The following CCDC141 variants were observed in gnomAD, a reference collection of about 807,000 sequenced individuals.
CCDC141 encodes coiled-coil domain-containing protein 141.
In CCDC141, 168 loss-of-function variants were observed where a neutral mutation model predicts 181.0. That is an observed-to-expected ratio of 0.93 (90% CI 0.82 to 1.05). The LOEUF is 1.05. Ranked by LOEUF, CCDC141 falls within the 50% of genes least tolerant of loss-of-function variation. CCDC141 has a pLI of 0.00. For missense variants in CCDC141, 1,902 were observed against 1,788.5 expected, an observed-to-expected ratio of 1.06 and a Z score of -1.14; for synonymous variants, 666 against 642.3, an observed-to-expected ratio of 1.04 and a Z score of -0.56.
At chr2:178,996,568 G>A (rs1041015518) in intron 2 of CCDC141, among the ~76,000 whole-genome samples, 1 of 152,102 alleles carries the variant, frequency 6.6e-6, no homozygotes, top group Admixed American at 6.5e-5. Flanking sequence ...GAACCTGTTA[G>A]GCTTGTTAAA....
chr2:178,982,602 G>A (rs569862517), intron 2 of CCDC141, among the ~76,000 whole-genome samples: 4 of 152,194 alleles, frequency 2.6e-5, no homozygotes, highest in Admixed American at 6.5e-5. Flanking sequence ...AGGTCAGTGG[G>A]TGCACGCACC....
Position 178,868,104 on chromosome 2 carries a change from T to C in CCDC141, c.2496A>G (p.Glu832=), listed in dbSNP as rs1369334354. 1.9e-6 allele frequency: 3 copies of C among 1,614,084 alleles called. No individual in the cohort carries two copies. Among genetic ancestry groups the C allele is most frequent in the Non-Finnish European group, 1.7e-6 (2 of 1,179,948 alleles). ...GGAGATGGTCTACACGGGCTTGCTT[T>C]TCCTGAGAGCACCGGAGGTGAATCT... The part of the protein sequence containing the change: ...DVQIHLRCSQ[E]KQARVDHLHR... Residue 832 remains glutamate, a synonymous_variant, in exon 16 of 24, where the codon GAA becomes GAG. Coordinates refer to ENST00000443758, the MANE Select transcript of CCDC141 (RefSeq NM_173648.4).
intron 2 of CCDC141, among the ~76,000 whole-genome samples, chr2:178,983,802 A>G (rs1349915159): frequency 1.3e-5 from 2 of 151,588 alleles, no homozygotes; most frequent in African/African-American, 4.8e-5. Flanking sequence ...CCTCCAAGAA[A>G]TATGGGACTA....
At chr2:178,828,059 T>C (rs555967886), downstream of CCDC141, among the ~76,000 whole-genome samples, 4 of 152,160 alleles carry the variant, frequency 2.6e-5, no homozygotes, top group Admixed American at 2.0e-4. Context: ...GTGTCTCCTC[T>C]GTGTCTCTGT....
chr2:178,896,501 A>G (rs1029793682), intron 8 of CCDC141, among the ~76,000 whole-genome samples: 8 of 152,202 alleles, frequency 5.3e-5, no homozygotes, highest in African/African-American at 1.9e-4. Context: ...AACTTCCTAA[A>G]TGAACTGAAA....
Position 178,833,592 on chromosome 2 carries a change from C to T in CCDC141, c.*581G>A, listed in dbSNP as rs1439207182. 1.3e-5 allele frequency: 2 copies of T among 152,690 alleles called. No homozygotes were observed. The highest frequency in any genetic ancestry group is 1.3e-4 in the Admixed American group (2 of 15,372). 9.5% of individuals were successfully genotyped at this position (152,690 alleles called of 1,614,324 possible). On this transcript the variant is annotated 3_prime_UTR_variant, in exon 24 of 24. Coordinates refer to ENST00000443758, the MANE Select transcript of CCDC141 (RefSeq NM_173648.4). Reference sequence around the variant, plus strand: ...GCACATCTATCCTCCAATGTCAAACCCGTGAGAGCAACATGAGGAATGATT... The same window carrying T: ...GCACATCTATCCTCCAATGTCAAACTCGTGAGAGCAACATGAGGAATGATT...
intron 2 of CCDC141, among the ~76,000 whole-genome samples, chr2:179,028,859 C>T (rs2154386615): frequency 6.6e-6 from 1 of 152,284 alleles, no homozygotes; most frequent in East Asian, 1.9e-4. Flanking sequence ...CCCCAAATTT[C>T]CCATTCAAGT....
chr2:178,982,887 G>T (rs1209536635), intron 2 of CCDC141, among the ~76,000 whole-genome samples: 1 of 152,220 alleles, frequency 6.6e-6, no homozygotes, highest in African/African-American at 2.4e-5. Context: ...CAGGCTGGGG[G>T]AGGGGCTCCC....
At chr2:178,983,524 G>C (rs537109739) in intron 2 of CCDC141, among the ~76,000 whole-genome samples, 1 of 148,454 alleles carries the variant, frequency 6.7e-6, no homozygotes, top group African/African-American at 2.5e-5. Flanking sequence ...TCTGAGCTAC[G>C]GGAGGACATT....
At chr2:179,037,191 C>T (rs2043168602) in intron 2 of CCDC141, among the ~76,000 whole-genome samples, 1 of 152,182 alleles carries the variant, frequency 6.6e-6, no homozygotes, top group Admixed American at 6.5e-5. Flanking sequence ...GCCCTTGAGG[C>T]TTCCCCAGTC....
chr2:178,865,557 C>T (rs1685807988), intron 17 of CCDC141, among the ~76,000 whole-genome samples: 1 of 152,224 alleles, frequency 6.6e-6, no homozygotes, highest in Non-Finnish European at 1.5e-5. Flanking sequence ...CTGACTTCAA[C>T]AAATTTGAGA....
intron 13 of CCDC141, 65 bp downstream of exon 13, chr2:178,872,068 G>A: frequency 6.7e-7 from 1 of 1,495,114 alleles, no homozygotes. Flanking sequence ...TGTTTTCAAG[G>A]TTCGCTCATG....
At chr2:178,962,147 C>T (rs1205402034) in intron 4 of CCDC141, among the ~76,000 whole-genome samples, 2 of 152,124 alleles carry the variant, frequency 1.3e-5, no homozygotes, top group South Asian at 2.1e-4. Flanking sequence ...GCCAAATGGA[C>T]TACCAGTATG....
chr2:178,891,875 A>T (rs13031826), intron 8 of CCDC141, among the ~76,000 whole-genome samples: 18,469 of 151,282 alleles, frequency 0.12, 1,159 homozygotes, highest in African/African-American at 0.14. Flanking sequence ...TTGTGTTGTA[A>T]ATTCTTTGAG....
chr2:179,015,588 T>A (rs368472282), intron 2 of CCDC141, among the ~76,000 whole-genome samples: 506 of 21,188 alleles, frequency 0.024, no homozygotes, highest in Admixed American at 0.047. Context: ...CATATATATC[T>A]CATATGTATC....
intron 6 of CCDC141, among the ~76,000 whole-genome samples, chr2:178,935,388 T>C (rs906034758): frequency 6.6e-6 from 1 of 152,222 alleles, no homozygotes; most frequent in Non-Finnish European, 1.5e-5. Flanking sequence ...TGTTTTCTGT[T>C]CCTGCATTAG....
the CCDC141 span, chr2:178,817,692 A>C: frequency 7.3e-5 from 27 of 368,048 alleles, no homozygotes; most frequent in African/African-American, 5.5e-4. Context: ...TAAAAGGAAA[A>C]GGAAATTTGA....
chr2:178,854,079 C>A (rs1685281340), intron 19 of CCDC141, among the ~76,000 whole-genome samples: 1 of 152,204 alleles, frequency 6.6e-6, no homozygotes, highest in Non-Finnish European at 1.5e-5. Flanking sequence ...AAAGTATTGC[C>A]TGATGAATAC....
rs994534626 is a variant in CCDC141 at position 178,834,280 on chromosome 2, G to T, written c.4486C>A (p.Leu1496Ile). 2 of 1,535,958 alleles carry T rather than the reference G, an allele frequency of 1.3e-6. No homozygotes were observed. The highest frequency in any genetic ancestry group is 3.9e-5 in the Admixed American group (2 of 50,958). ...AGCCTGCAGTTACCTGTCACGTGGA[G>T]GATGACATTGGAAGAGAGAGCGCCG... ...SSGALSSNVI[L>I]HVTGNCRLPI... The change falls in exon 24 of 24, where the codon CTC becomes ATC. Residue 1496 changes from leucine to isoleucine, a missense_variant. Leu to Ile is a conservative substitution (Grantham distance 5). Coordinates refer to ENST00000443758, the MANE Select transcript of CCDC141 (RefSeq NM_173648.4).
Sources: gnomAD v4.1 joint callset for allele counts (sites outside exome capture counted in the v4.1 genomes callset) on GRCh38, gnomAD v4.1.1 for gene constraint, MANE v1.5 for transcripts, NCBI Gene and HGNC (gene_info 2026-07-23, HGNC 2026-07-21) for gene names.